The following CDK6 variants were observed in gnomAD, a reference collection of about 807,000 sequenced individuals.
CDK6 encodes cyclin dependent kinase 6, also known as cyclin-dependent kinase 6.
In CDK6, 6 loss-of-function variants were observed where a neutral mutation model predicts 37.1. The ratio of observed to expected loss-of-function variants is 0.16; its 90% CI spans 0.09 to 0.32. CDK6 has a LOEUF of 0.32. CDK6 is among the 10% of genes least tolerant of loss of function. The pLI is 1.00. For synonymous variants in CDK6, 160 were observed against 161.3 expected (o/e 0.99, Z 0.06); for missense variants, 224 against 418.9 (o/e 0.53, Z 4.06).
intron 4 of CDK6, among the ~76,000 whole-genome samples, chr7:92,699,783 C>G (rs186682171): frequency 6.6e-6 from 1 of 152,336 alleles, no homozygotes; most frequent in Admixed American, 6.5e-5. Context: ...ATGTAACTTA[C>G]CAATTGCACA....
rs377300365 is a variant in CDK6 at position 92,796,146 on chromosome 7, G to T, written c.234-21315C>A. 3.4e-5 allele frequency among the ~76,000 whole-genome samples: 5 copies of T among 148,184 alleles called. No individual in the cohort carries two copies. In the East Asian group the frequency reaches 5.9e-4, roughly 17 times the overall value. ...AATTTCACTTAGCATGCATGTATCAGTTTTTTTTTCTGTAATGAGCAACAG... is the reference window on the plus strand; with the variant it reads ...AATTTCACTTAGCATGCATGTATCATTTTTTTTTTCTGTAATGAGCAACAG... On this transcript the variant is annotated intron_variant, in intron 2 of 7. Transcript: ENST00000424848.
At chr7:92,754,129 A>G (rs1459167742) in intron 3 of CDK6, among the ~76,000 whole-genome samples, 1 of 152,164 alleles carries the variant, frequency 6.6e-6, no homozygotes, top group African/African-American at 2.4e-5. Flanking sequence ...ACACAGTAAC[A>G]CTGTTACTTC....
chr7:92,634,063 T>C (rs1197581664), intron 5 of CDK6, among the ~76,000 whole-genome samples: 1 of 152,176 alleles, frequency 6.6e-6, no homozygotes, highest in East Asian at 1.9e-4. Context: ...TAATCAAATA[T>C]ATTAGTATTT....
rs183050968 is a variant in CDK6 at position 92,836,273 on chromosome 7, C to T, written c.-368+205G>A. Among the ~76,000 whole-genome samples the T allele has an allele frequency of 4.5e-4, 68 of 151,868 alleles. No homozygotes were observed. In the East Asian group the frequency reaches 9.2e-3, roughly 21 times the overall value. ...CAGATAAGGAGAATCCTCTAGCTCC[C>T]CAAAACTGGCCCCCATAACCAATCC... On this transcript the variant is annotated intron_variant, in intron 1 of 7. Transcript: ENST00000424848.
intron 4 of CDK6, among the ~76,000 whole-genome samples, chr7:92,720,573 T>C (rs1187267991): frequency 1.3e-5 from 2 of 152,172 alleles, no homozygotes; most frequent in African/African-American, 4.8e-5. Context: ...TTTTGCATCA[T>C]AAATGGGAAG....
intron 5 of CDK6, among the ~76,000 whole-genome samples, chr7:92,639,098 T>C (rs1796241386): frequency 6.6e-6 from 1 of 152,152 alleles, no homozygotes; most frequent in Non-Finnish European, 1.5e-5. Flanking sequence ...ATTCAATGAA[T>C]ACAGATTTAC....
chr7:92,827,452 C>T (rs1029431957), intron 2 of CDK6, among the ~76,000 whole-genome samples: 11 of 152,164 alleles, frequency 7.2e-5, no homozygotes, highest in African/African-American at 2.7e-4. Flanking sequence ...CTGCCACATG[C>T]CTTGCAGTCC....
chr7:92,683,109 C>G (rs1056065970), intron 4 of CDK6, among the ~76,000 whole-genome samples: 1 of 152,184 alleles, frequency 6.6e-6, no homozygotes, highest in Admixed American at 6.5e-5. Flanking sequence ...TGCAGACATT[C>G]CTTCAACCTT....
At chr7:92,657,942 G>A (rs563816529) in intron 5 of CDK6, among the ~76,000 whole-genome samples, 3 of 152,164 alleles carry the variant, frequency 2.0e-5, no homozygotes, top group Admixed American at 6.5e-5. Context: ...GACTGGTCTC[G>A]AACTCCTGAG....
chr7:92,794,191 C>T (rs1005346), intron 2 of CDK6, among the ~76,000 whole-genome samples: 77,573 of 152,096 alleles, frequency 0.51, 24,293 homozygotes, highest in East Asian at 0.87. Context: ...CTAACACTTA[C>T]TGAGTGCTTA....
At chr7:92,619,200 G>A (rs1320178635) in intron 6 of CDK6, among the ~76,000 whole-genome samples, 1 of 152,098 alleles carries the variant, frequency 6.6e-6, no homozygotes, top group Admixed American at 6.5e-5. Flanking sequence ...AATACAAGAT[G>A]CATAGGAAAT....
chr7:92,767,896 GT>G (rs1353322739), intron 3 of CDK6, among the ~76,000 whole-genome samples: 3 of 151,838 alleles, frequency 2.0e-5, no homozygotes, highest in African/African-American at 7.3e-5. Flanking sequence ...TTGGATGCCT[GT>G]TTTTTAAAAA....
At chr7:92,819,377 G>A (rs1023229820) in intron 2 of CDK6, among the ~76,000 whole-genome samples, 6 of 152,048 alleles carry the variant, frequency 3.9e-5, no homozygotes, top group African/African-American at 1.4e-4. Context: ...GTTGGCAGGG[G>A]TCCTGGTAGA....
intron 2 of CDK6, among the ~76,000 whole-genome samples, chr7:92,825,364 A>G (rs1367331426): frequency 6.6e-6 from 1 of 152,100 alleles, no homozygotes. Flanking sequence ...AAGACACCAG[A>G]CATCATGCTA....
chr7:92,694,094 G>A (rs985760333), intron 4 of CDK6, among the ~76,000 whole-genome samples: 41 of 152,148 alleles, frequency 2.7e-4, no homozygotes, highest in Non-Finnish European at 5.7e-4. Flanking sequence ...TGACTAGATG[G>A]ACTAAGGGAA....
chr7:92,674,062 G>A (rs1278706314), intron 4 of CDK6, among the ~76,000 whole-genome samples: 1 of 150,892 alleles, frequency 6.6e-6, no homozygotes, highest in Non-Finnish European at 1.5e-5. Context: ...TTACAGGCAT[G>A]AGCCACTGCG....
intron 3 of CDK6, among the ~76,000 whole-genome samples, chr7:92,766,564 A>G (rs1324036511): frequency 1.3e-5 from 2 of 152,206 alleles, no homozygotes; most frequent in Non-Finnish European, 2.9e-5. Flanking sequence ...ACTTGATTAG[A>G]AAGTGTAGCC....
intron 2 of CDK6, among the ~76,000 whole-genome samples, chr7:92,811,481 C>T (rs1562971917): frequency 1.3e-5 from 2 of 151,816 alleles, no homozygotes; most frequent in Admixed American, 6.6e-5. Context: ...GGGGTGGCTT[C>T]GAGTGAACAG....
intron 3 of CDK6, among the ~76,000 whole-genome samples, chr7:92,763,423 T>C (rs541469847): frequency 1.3e-5 from 2 of 152,342 alleles, no homozygotes; most frequent in African/African-American, 4.8e-5. Context: ...TTAGTGTATA[T>C]GAAACAAATA....
Sources: allele counts gnomAD v4.1 joint callset (sites outside exome capture counted in the v4.1 genomes callset), GRCh38; gene constraint gnomAD v4.1.1; transcripts MANE v1.5; gene names NCBI Gene and HGNC (gene_info 2026-07-23, HGNC 2026-07-21).